Variants in C17orf67 observed in about 807,000 individuals in gnomAD.
The protein encoded by C17orf67 is chromosome 17 open reading frame 67.
Under a neutral mutation model 11.2 loss-of-function variants are expected in C17orf67, and 12 were observed. The ratio of observed to expected loss-of-function variants is 1.07; its 90% confidence interval spans 0.68 to 1.73. The LOEUF is 1.73. C17orf67 is among the 40% of genes most tolerant of loss of function. The probability of loss-of-function intolerance (pLI) is 0.00; values close to 1 mark genes in which losing one functional copy is unlikely to be tolerated. For missense variants in C17orf67, 115 were observed against 113.5 expected, an observed-to-expected ratio of 1.01 and a Z score of -0.06; for synonymous variants, 59 against 46.9, an observed-to-expected ratio of 1.26 and a Z score of -1.05.
At chr17:56,812,337 C>T (rs551309827) in intron 6 of C17orf67, among the ~76,000 whole-genome samples, 1 of 152,282 alleles carries the variant, frequency 6.6e-6, no homozygotes, top group Admixed American at 6.5e-5. Flanking sequence ...GGTCTGTACC[C>T]ACTGGGTGCC....
intron 2 of C17orf67, among the ~76,000 whole-genome samples, chr17:56,825,690 T>C (rs968158714): frequency 7.2e-5 from 11 of 152,184 alleles, no homozygotes; most frequent in African/African-American, 1.9e-4. Context: ...TGGAGTATAA[T>C]GTAGCCATTA....
chr17:56,813,217 C>A (rs1043325312), intron 6 of C17orf67, among the ~76,000 whole-genome samples: 1 of 152,134 alleles, frequency 6.6e-6, no homozygotes, highest in Admixed American at 6.5e-5. Flanking sequence ...CCCCCACCCC[C>A]AACCCGCCAG....
At chr17:56,816,510 C>T (rs1441161348) in intron 4 of C17orf67, among the ~76,000 whole-genome samples, 1 of 152,204 alleles carries the variant, frequency 6.6e-6, no homozygotes, top group Non-Finnish European at 1.5e-5. Context: ...TACTATTCAT[C>T]GTCCACTTCC....
chr17:56,828,356 G>C (rs941075789), intron 2 of C17orf67, among the ~76,000 whole-genome samples: 1 of 150,898 alleles, frequency 6.6e-6, no homozygotes, highest in Non-Finnish European at 1.5e-5. Flanking sequence ...GGTGAGCCGG[G>C]ATCACACCAT....
At chr17:56,825,367 T>A (rs1455524652) in intron 2 of C17orf67, 46 bp from the exon 3 acceptor site, 1 of 152,212 alleles carries the variant, frequency 6.6e-6, no homozygotes, top group East Asian at 1.9e-4. Context: ...TAGGACCTAC[T>A]AACTCATCAA....
intron 6 of C17orf67, among the ~76,000 whole-genome samples, chr17:56,813,638 G>A (rs141479369): frequency 6.6e-6 from 1 of 151,632 alleles, no homozygotes; most frequent in South Asian, 2.1e-4. Flanking sequence ...ATACTGCATA[G>A]CAGCCATTTG....
chr17:56,793,334 C>T (rs940306479), intron 7 of C17orf67, among the ~76,000 whole-genome samples: 11 of 152,048 alleles, frequency 7.2e-5, no homozygotes, highest in African/African-American at 2.7e-4. Flanking sequence ...ACACATTTCT[C>T]CAGCCACCGC....
intron 2 of C17orf67, among the ~76,000 whole-genome samples, chr17:56,832,341 T>G (rs1237776432): frequency 1.3e-5 from 2 of 152,240 alleles, no homozygotes; most frequent in African/African-American, 4.8e-5. Context: ...AAGAACTCAC[T>G]GTTGGCTATT....
intron 4 of C17orf67, among the ~76,000 whole-genome samples, chr17:56,818,093 C>T (rs1394859126): frequency 3.3e-5 from 5 of 151,700 alleles, no homozygotes; most frequent in African/African-American, 9.7e-5. Flanking sequence ...ATTCTCCTAC[C>T]TTGGCCTCCA....
chr17:56,810,498 T>TA (rs1240954500), intron 6 of C17orf67, among the ~76,000 whole-genome samples: 1 of 151,932 alleles, frequency 6.6e-6, no homozygotes, highest in Admixed American at 6.6e-5. Flanking sequence ...TACACAATAC[T>TA]GGCAGCCAAA....
chr17:56,830,277 G>A (rs1056982187), intron 2 of C17orf67, among the ~76,000 whole-genome samples: 10 of 151,986 alleles, frequency 6.6e-5, no homozygotes, highest in South Asian at 6.2e-4. Flanking sequence ...CCTGGGAGGC[G>A]GAGCTTGCAG....
At chr17:56,829,402 C>T (rs977389199) in intron 2 of C17orf67, among the ~76,000 whole-genome samples, 14 of 152,216 alleles carry the variant, frequency 9.2e-5, no homozygotes, top group Non-Finnish European at 1.0e-4. Context: ...CTGGCAGAGA[C>T]GTTATCTATG....
At chr17:56,830,336 C>G (rs1331754989) in intron 2 of C17orf67, among the ~76,000 whole-genome samples, 1 of 149,512 alleles carries the variant, frequency 6.7e-6, no homozygotes, top group African/African-American at 2.5e-5. Flanking sequence ...CAGAGCGAGA[C>G]TCCGTCTCAA....
In C17orf67 at chr17:56,815,833, T is replaced by C; in HGVS notation, c.-23A>G. 1 of 1,613,820 alleles carries C rather than the reference T, an allele frequency of 6.2e-7. No individual in the cohort carries two copies. The highest frequency in any genetic ancestry group is 8.5e-7 in the Non-Finnish European group (1 of 1,179,832). On this transcript the variant is annotated 5_prime_UTR_variant, in exon 5 of 8. Coordinates refer to ENST00000397861, the MANE Select transcript of C17orf67 (RefSeq NM_001085430.4). Reference sequence around the variant, plus strand: ...CATCCTGCCTTGGTTCCTCTGCCTCTTGCTGAGTGAATCCTCCCAGACTGA... The same window carrying C: ...CATCCTGCCTTGGTTCCTCTGCCTCCTGCTGAGTGAATCCTCCCAGACTGA...
At position 56,808,380 on chromosome 17, in the gene C17orf67, G is replaced by A. The variant is rs149020826; in HGVS notation, c.156+6489C>T. Among the ~76,000 whole-genome samples the A allele has an allele frequency of 2.2e-3, 334 of 152,222 alleles. 4 individuals carry two copies. Among genetic ancestry groups the A allele is most frequent in the Non-Finnish European group, 2.6e-3 (174 of 68,008 alleles). ...TTCCTGCTGCTGGGAATTTCAGTGG[G>A]TTGCCCTCCTTGGGTTCTACCTTCC... On this transcript the variant is annotated intron_variant, in intron 6 of 7. Transcript: ENST00000397861.
chr17:56,825,009 T>C (rs1905992339), intron 3 of C17orf67, 72 bp downstream of exon 3: 1 of 152,256 alleles, frequency 6.6e-6, no homozygotes, highest in Non-Finnish European at 1.5e-5. Context: ...ACCGTATATG[T>C]GTTTTATAAA....
At chr17:56,805,288 CA>C (rs1165566648) in intron 6 of C17orf67, among the ~76,000 whole-genome samples, 4 of 152,200 alleles carry the variant, frequency 2.6e-5, no homozygotes, top group Non-Finnish European at 1.5e-5. Context: ...GATACAACTA[CA>C]AAAGCAGGTG....
At chr17:56,810,402 AC>A (rs1440156438) in intron 6 of C17orf67, among the ~76,000 whole-genome samples, 1 of 131,954 alleles carries the variant, frequency 7.6e-6, no homozygotes, top group Admixed American at 7.5e-5. Context: ...ACATGCACAA[AC>A]CCCTCACACA....
At chr17:56,827,030 C>T (rs970961556) in intron 2 of C17orf67, among the ~76,000 whole-genome samples, 3 of 152,208 alleles carry the variant, frequency 2.0e-5, no homozygotes, top group Non-Finnish European at 4.4e-5. Context: ...TCAGCCAGTA[C>T]GTGTTTAATA....
Sources: gnomAD v4.1 joint callset for allele counts (sites outside exome capture counted in the v4.1 genomes callset) on GRCh38, gnomAD v4.1.1 for gene constraint, MANE v1.5 for transcripts, NCBI Gene and HGNC (gene_info 2026-07-23, HGNC 2026-07-21) for gene names.